The following COMMD10 variants were observed in gnomAD, a reference collection of about 807,000 sequenced individuals.
The protein encoded by COMMD10 is COMM domain-containing protein 10.
A neutral mutation model predicts 28.9 loss-of-function variants in COMMD10; 33 were observed. That is an observed-to-expected ratio of 1.14 (90% CI 0.87 to 1.53). COMMD10 has a LOEUF of 1.53. COMMD10 is among the 40% of genes most tolerant of loss of function. The pLI is 0.00. For missense variants in COMMD10, 310 were observed against 233.4 expected, an observed-to-expected ratio of 1.33 and a Z score of -2.14; for synonymous variants, 110 against 81.7, an observed-to-expected ratio of 1.35 and a Z score of -1.87.
intron 5 of COMMD10, chr5:116,218,260 TC>T: frequency 1.4e-6 from 1 of 740,564 alleles, no homozygotes. Flanking sequence ...TGGCTTTATC[TC>T]CTTTAGCATC....
At chr5:116,171,031 T>C (rs150975997) in intron 5 of COMMD10, among the ~76,000 whole-genome samples, 5,028 of 152,142 alleles carry the variant, frequency 0.033, 275 homozygotes, top group African/African-American at 0.11. Context: ...AAAGAAACTA[T>C]CATCAGAGTG....
chr5:116,178,967 C>T (rs896084017), intron 5 of COMMD10, among the ~76,000 whole-genome samples: 18 of 152,070 alleles, frequency 1.2e-4, no homozygotes, highest in Non-Finnish European at 1.5e-5. Context: ...TTAGGGATTT[C>T]AGACGCTCTG....
chr5:116,102,295 C>T (rs948806678), intron 4 of COMMD10, among the ~76,000 whole-genome samples: 8 of 152,146 alleles, frequency 5.3e-5, no homozygotes, highest in Non-Finnish European at 1.0e-4. Context: ...TTTCTCAGCA[C>T]CATTTATTGA....
chr5:116,213,723 C>T (rs1337944322), intron 5 of COMMD10, among the ~76,000 whole-genome samples: 2 of 151,836 alleles, frequency 1.3e-5, no homozygotes, highest in Non-Finnish European at 2.9e-5. Flanking sequence ...TTTTATTAGT[C>T]TTATTTTAAT....
At chr5:116,217,500 G>C (rs1335165438) in intron 5 of COMMD10, among the ~76,000 whole-genome samples, 1 of 152,112 alleles carries the variant, frequency 6.6e-6, no homozygotes, top group Non-Finnish European at 1.5e-5. Flanking sequence ...GAAAACGGCA[G>C]AATTTATCTG....
chr5:116,227,961 C>T (rs181326461), intron 5 of COMMD10, among the ~76,000 whole-genome samples: 2 of 151,986 alleles, frequency 1.3e-5, no homozygotes, highest in East Asian at 3.9e-4. Flanking sequence ...TAAATGTCAG[C>T]AAGGCAAAAG....
chr5:116,179,583 C>T (rs1747876973), intron 5 of COMMD10, among the ~76,000 whole-genome samples: 1 of 152,050 alleles, frequency 6.6e-6, no homozygotes, highest in Non-Finnish European at 1.5e-5. Flanking sequence ...AAAGACCTGG[C>T]ACAGAGCATA....
chr5:116,153,105 G>T (rs1375651296), intron 5 of COMMD10, among the ~76,000 whole-genome samples: 1 of 152,060 alleles, frequency 6.6e-6, no homozygotes, highest in African/African-American at 2.4e-5. Flanking sequence ...GAATAAAATA[G>T]TGCTACCTAA....
At chr5:116,270,752 C>T (rs990757167) in intron 5 of COMMD10, among the ~76,000 whole-genome samples, 35 of 151,712 alleles carry the variant, frequency 2.3e-4, no homozygotes, top group Non-Finnish European at 1.9e-4. Context: ...GCCTGACGAA[C>T]ATGGTGAAAC....
At chr5:116,285,781 T>A (rs1406647199) in intron 5 of COMMD10, among the ~76,000 whole-genome samples, 1 of 151,894 alleles carries the variant, frequency 6.6e-6, no homozygotes, top group Non-Finnish European at 1.5e-5. Flanking sequence ...GCTAGTGTTT[T>A]GTTGAGGATT....
intron 5 of COMMD10, among the ~76,000 whole-genome samples, chr5:116,225,316 G>T (rs974462562): frequency 7.2e-6 from 1 of 139,400 alleles, no homozygotes; most frequent in Admixed American, 7.1e-5. Flanking sequence ...TTTTTCTTAA[G>T]TAATTTCCTG....
chr5:116,247,858 G>C (rs774150422), intron 5 of COMMD10, among the ~76,000 whole-genome samples: 25 of 151,950 alleles, frequency 1.6e-4, no homozygotes, highest in Non-Finnish European at 3.2e-4. Flanking sequence ...AATAACTAAT[G>C]GATACTAGGC....
chr5:116,236,743 GATACT>G (rs916321022), intron 5 of COMMD10, among the ~76,000 whole-genome samples: 1 of 151,994 alleles, frequency 6.6e-6, no homozygotes. Context: ...TACCATGTAT[GATACT>G]ATAATTTATT....
chr5:116,190,878 T>C (rs931206075), intron 5 of COMMD10, among the ~76,000 whole-genome samples: 2 of 152,208 alleles, frequency 1.3e-5, no homozygotes, highest in South Asian at 2.1e-4. Flanking sequence ...ACAAACACTT[T>C]AAGTGAATAT....
chr5:116,189,217 A>G (rs1033426678), intron 5 of COMMD10, among the ~76,000 whole-genome samples: 1 of 152,116 alleles, frequency 6.6e-6, no homozygotes, highest in African/African-American at 2.4e-5. Flanking sequence ...TCGCTGCATG[A>G]GACTTCACAT....
Position 116,251,532 on chromosome 5 carries a change from A to G in COMMD10, c.511-39985A>G, listed in dbSNP as rs1031966370. Among the ~76,000 whole-genome samples the G allele has an allele frequency of 1.0e-4, 15 of 149,026 alleles. 1 individual carries two copies. The highest frequency in any genetic ancestry group is 6.8e-4 in the Admixed American group (10 of 14,702). Reference sequence around the variant, plus strand: ...TGTTCAATTCCCACCTATGAGTGAGAATATGCGGTGTTTGGTTTTTTTGTT... The same window carrying G: ...TGTTCAATTCCCACCTATGAGTGAGGATATGCGGTGTTTGGTTTTTTTGTT... On this transcript the variant is annotated intron_variant, in intron 5 of 6. Coordinates refer to ENST00000274458, the MANE Select transcript of COMMD10 (RefSeq NM_016144.4).
chr5:116,158,648 A>G (rs997816719), intron 5 of COMMD10, among the ~76,000 whole-genome samples: 6 of 151,584 alleles, frequency 4.0e-5, no homozygotes, highest in Non-Finnish European at 2.9e-5. Flanking sequence ...GGACAGCAAA[A>G]CTTTTAAAAT....
At chr5:116,220,129 G>A (rs1257924209) in intron 5 of COMMD10, among the ~76,000 whole-genome samples, 2 of 152,126 alleles carry the variant, frequency 1.3e-5, no homozygotes, top group African/African-American at 4.8e-5. Flanking sequence ...TGGTTCTTAA[G>A]TAGAAGAAAC....
chr5:116,260,602 C>T (rs1357136713), intron 5 of COMMD10, among the ~76,000 whole-genome samples: 1 of 151,728 alleles, frequency 6.6e-6, no homozygotes, highest in African/African-American at 2.4e-5. Context: ...TTGTTCTATG[C>T]AAGATTTAGT....
Sources: gnomAD v4.1 joint callset for allele counts (sites outside exome capture counted in the v4.1 genomes callset) on GRCh38, gnomAD v4.1.1 for gene constraint, MANE v1.5 for transcripts, NCBI Gene and HGNC (gene_info 2026-07-23, HGNC 2026-07-21) for gene names.